Variants in SARNP observed in about 807,000 individuals in gnomAD.
SARNP encodes SAP domain-containing ribonucleoprotein.
Under a neutral mutation model 38.1 loss-of-function variants are expected in SARNP, and 5 were observed. That is an observed-to-expected ratio of 0.13 (90% CI 0.07 to 0.28). The LOEUF is 0.28. Ranked by LOEUF, SARNP falls within the 10% of genes least tolerant of loss-of-function variation. The pLI is 1.00. For missense variants in SARNP, 180 were observed against 243.9 expected (o/e 0.74, Z 1.75); for synonymous variants, 84 against 80.6 (o/e 1.04, Z -0.23).
chr12:55,809,655 A>G (rs566985275), intron 1 of SARNP, among the ~76,000 whole-genome samples: 2 of 151,848 alleles, frequency 1.3e-5, no homozygotes, highest in East Asian at 3.9e-4. Flanking sequence ...AGGCAGGGGC[A>G]TCACTTGAGT....
chr12:55,814,800 C>T (rs956051427), intron 1 of SARNP, among the ~76,000 whole-genome samples: 5 of 151,090 alleles, frequency 3.3e-5, no homozygotes, highest in East Asian at 1.9e-4. Flanking sequence ...ACCTGGAAGG[C>T]GGAGGTTGCA....
At chr12:55,790,491 G>T in intron 8 of SARNP, 76 bp downstream of exon 8, 1 of 1,433,584 alleles carries the variant, frequency 7.0e-7, no homozygotes, top group Non-Finnish European at 9.4e-7. Flanking sequence ...CCTCTAATCT[G>T]GGGAGGAGGA....
Position 55,771,608 on chromosome 12 carries a change from T to C in SARNP, c.502-10968A>G, listed in dbSNP as rs538077859. 5.9e-5 allele frequency among the ~76,000 whole-genome samples: 9 copies of C among 152,254 alleles called. No individual in the cohort carries two copies. The South Asian group carries it at 1.9e-3, about 32-fold the overall frequency. On this transcript the variant is annotated intron_variant, in intron 9 of 10. Coordinates refer to ENST00000336133, the MANE Select transcript of SARNP (RefSeq NM_033082.4). ...CAGGGGAGCTCAGGTACTGCTATTA[T>C]TTTCCCCCTCAAAAGTCTTTTCCCT...
At chr12:55,801,426 G>C (rs1390266684) in intron 2 of SARNP, among the ~76,000 whole-genome samples, 1 of 152,138 alleles carries the variant, frequency 6.6e-6, no homozygotes, top group Non-Finnish European at 1.5e-5. Flanking sequence ...CTGGGTGACA[G>C]AGCAAGACCC....
chr12:55,798,592 C>G (rs1448984152), intron 4 of SARNP, among the ~76,000 whole-genome samples: 1 of 152,036 alleles, frequency 6.6e-6, no homozygotes, highest in Non-Finnish European at 1.5e-5. Flanking sequence ...TAGGAATTTA[C>G]CCTGTGGGTA....
chr12:55,775,599 G>A lies in SARNP; in HGVS notation c.501+13476C>T, dbSNP rs1397132318. On this transcript the variant is annotated intron_variant, in intron 9 of 10. Transcript: ENST00000336133. ...AAAAAAGAGTAGCAAAGGAAGGGGA[G>A]AGGAAGAAAGGAGTTAAAATTTTCT... is the stretch of plus-strand genomic sequence containing the variant. Among the ~76,000 whole-genome samples the A allele has an allele frequency of 6.0e-5, 9 of 148,802 alleles. No homozygotes were observed. The South Asian group carries it at 1.5e-3, about 25-fold the overall frequency.
At chr12:55,774,589 A>G (rs1392865579) in intron 9 of SARNP, among the ~76,000 whole-genome samples, 6 of 149,000 alleles carry the variant, frequency 4.0e-5, no homozygotes, top group African/African-American at 1.5e-4. Context: ...CAAAAAAAAA[A>G]AAACAAAAAT....
At chr12:55,769,108 G>A (rs564873945) in intron 9 of SARNP, among the ~76,000 whole-genome samples, 17 of 152,174 alleles carry the variant, frequency 1.1e-4, no homozygotes, top group African/African-American at 3.1e-4. Flanking sequence ...AACAATAAAA[G>A]ATATCTATTT....
At chr12:55,765,301 A>G (rs1357093614) in intron 9 of SARNP, among the ~76,000 whole-genome samples, 2 of 152,092 alleles carry the variant, frequency 1.3e-5, no homozygotes, top group Non-Finnish European at 2.9e-5. Context: ...TTATTTGGCT[A>G]TATCCTCAAA....
At chr12:55,761,752 TC>T (rs1381498685) in intron 9 of SARNP, 5 of 152,168 alleles carry the variant, frequency 3.3e-5, no homozygotes, top group African/African-American at 1.2e-4. Flanking sequence ...CCCCCTCACA[TC>T]TTATCACCAG....
At chr12:55,769,222 G>C (rs1291873173) in intron 9 of SARNP, among the ~76,000 whole-genome samples, 1 of 152,180 alleles carries the variant, frequency 6.6e-6, no homozygotes, top group Non-Finnish European at 1.5e-5. Flanking sequence ...ACTGAATTAT[G>C]TGACATCAGG....
intron 9 of SARNP, among the ~76,000 whole-genome samples, chr12:55,781,581 AG>A (rs1258945975): frequency 6.6e-6 from 1 of 152,104 alleles, no homozygotes; most frequent in Non-Finnish European, 1.5e-5. Context: ...AAAAATAACA[AG>A]GCAGGTCCAA....
chr12:55,765,406 A>G (rs1878799364), intron 9 of SARNP, among the ~76,000 whole-genome samples: 1 of 152,142 alleles, frequency 6.6e-6, no homozygotes, highest in African/African-American at 2.4e-5. Flanking sequence ...GTGCAGTAGC[A>G]TGATCATGGC....
At chr12:55,817,514 A>C (rs949514401) in intron 1 of SARNP, 152 bp downstream of exon 1, 21 of 650,108 alleles carry the variant, frequency 3.2e-5, no homozygotes, top group Non-Finnish European at 1.6e-5. Context: ...GGGAAGGCGT[A>C]GTGTGGAAGG....
downstream of SARNP, chr12:55,754,544 T>C (rs1878442476): frequency 6.6e-6 from 1 of 152,220 alleles, no homozygotes; most frequent in Non-Finnish European, 1.5e-5. Flanking sequence ...GCCTTTTCTT[T>C]TTCTCAAAAT....
In SARNP at chr12:55,778,979, GCAAAA is replaced by G. The variant is rs374254023; in HGVS notation, c.501+10091_501+10095del. On this transcript the variant is annotated intron_variant, in intron 9 of 10. Coordinates refer to ENST00000336133, the MANE Select transcript of SARNP (RefSeq NM_033082.4). Reference sequence around the variant, plus strand: ...GGGCGAGACTGTCTCAAAAAGCAAAGCAAAACAAAACAAAACAAAACAAAACAAAA... The same window carrying G: ...GGGCGAGACTGTCTCAAAAAGCAAAGCAAAACAAAACAAAACAAAACAAAA... Among the ~76,000 whole-genome samples the G allele has an allele frequency of 6.5e-3, 991 of 151,968 alleles. 11 individuals are homozygous for G. Among genetic ancestry groups the G allele is most frequent in the African/African-American group, 0.019 (808 of 41,462 alleles).
At chr12:55,780,347 G>A (rs1160797881) in intron 9 of SARNP, among the ~76,000 whole-genome samples, 5 of 151,788 alleles carry the variant, frequency 3.3e-5, no homozygotes, top group Non-Finnish European at 2.9e-5. Flanking sequence ...CCAGCTATTC[G>A]GGAGGCTGAG....
At chr12:55,794,296 C>A in intron 7 of SARNP, 63 bp downstream of exon 7, 1 of 1,397,652 alleles carries the variant, frequency 7.2e-7, no homozygotes, top group South Asian at 1.2e-5. Flanking sequence ...GAAATAAAAC[C>A]TGTTATACCA....
intron 2 of SARNP, among the ~76,000 whole-genome samples, chr12:55,802,260 A>G (rs1020130615): frequency 6.6e-6 from 1 of 152,124 alleles, no homozygotes; most frequent in African/African-American, 2.4e-5. Flanking sequence ...ATTAATTAGC[A>G]ATACCATTCT....
Sources: allele counts gnomAD v4.1 joint callset (sites outside exome capture counted in the v4.1 genomes callset), GRCh38; gene constraint gnomAD v4.1.1; transcripts MANE v1.5; gene names NCBI Gene and HGNC (gene_info 2026-07-23, HGNC 2026-07-21).